TCERG1: variants seen among roughly 807,000 people sequenced by gnomAD.
The protein encoded by TCERG1 is transcription elongation regulator 1, also known as TATA box binding protein (TBP)-associated factor, RNA polymerase II, S, 150kD.
In TCERG1, 37 loss-of-function variants were observed where a neutral mutation model predicts 144.7. The observed-to-expected ratio is 0.26, with a 90% CI of 0.20 to 0.34. The LOEUF is 0.34. Ranked by LOEUF, TCERG1 falls within the 10% of genes least tolerant of loss-of-function variation. TCERG1 has a pLI of 1.00. For synonymous variants in TCERG1, 492 were observed against 458.2 expected (o/e 1.07, Z -0.94); for missense variants, 1,027 against 1,380.7 (o/e 0.74, Z 4.06).
At chr5:146,490,682 A>G (rs1202044470) in intron 15 of TCERG1, among the ~76,000 whole-genome samples, 1 of 152,044 alleles carries the variant, frequency 6.6e-6, no homozygotes, top group Non-Finnish European at 1.5e-5. Flanking sequence ...CAGTGTGGAA[A>G]CTCAGCTCTT....
intron 9 of TCERG1, among the ~76,000 whole-genome samples, chr5:146,477,691 A>ATTTTT: frequency 1.1e-5 from 1 of 92,540 alleles, no homozygotes; most frequent in Non-Finnish European, 2.3e-5. Flanking sequence ...TTGGTACTTT[A>ATTTTT]CTTTTTTTTT....
chr5:146,504,063 A>T (rs948119215), intron 19 of TCERG1, 57 bp downstream of exon 19: 33 of 1,353,352 alleles, frequency 2.4e-5, no homozygotes, highest in Middle Eastern at 1.9e-4. Flanking sequence ...GAAATTTATT[A>T]TGTTACTGTT....
intron 8 of TCERG1, 139 bp from the exon 9 acceptor site, chr5:146,471,345 ACTTT>A (rs1764276763): frequency 2.9e-6 from 2 of 692,614 alleles, no homozygotes; most frequent in South Asian, 4.3e-5. Context: ...AGGATTTAGA[ACTTT>A]CTTCCTACTC....
At chr5:146,492,809 G>A (rs534480858) in intron 15 of TCERG1, 111 bp from the exon 16 acceptor site, 10 of 725,036 alleles carry the variant, frequency 1.4e-5, no homozygotes, top group East Asian at 2.8e-5. Context: ...ATTATCTACA[G>A]TTAATATATT....
rs1294295889 is a variant in TCERG1, at chr5:146,457,406, T to A, written c.438+71T>A. The A allele has an allele frequency of 2.1e-6, 3 of 1,399,774 alleles. No homozygotes were observed. In the African/African-American group the frequency reaches 4.3e-5, roughly 20 times the overall value. The allele number at this position is 1,399,774 out of a possible 1,614,324, so 86.7% of individuals were successfully genotyped here. On this transcript the variant is annotated intron_variant, in intron 3 of 22. Coordinates refer to ENST00000679501, the MANE Select transcript of TCERG1 (RefSeq NM_001382548.1). ...TAAAACTTAAAGAGTTCTGGCAGAT[T>A]GAGGTCAGTGATACTGTCATTTAAG...
intron 9 of TCERG1, among the ~76,000 whole-genome samples, chr5:146,477,952 T>C (rs1034472952): frequency 6.6e-6 from 1 of 152,058 alleles, no homozygotes; most frequent in Non-Finnish European, 1.5e-5. Flanking sequence ...ATCCTCCTGC[T>C]TTGGCCTCCC....
intron 9 of TCERG1, among the ~76,000 whole-genome samples, chr5:146,477,841 T>A (rs1390936493): frequency 6.6e-6 from 1 of 151,632 alleles, no homozygotes; most frequent in Non-Finnish European, 1.5e-5. Flanking sequence ...GTCTACAAGC[T>A]CGTGCAATCA....
At chr5:146,482,511 A>C (rs1765447814) in intron 13 of TCERG1, 81 bp from the exon 14 acceptor site, 35 of 1,416,098 alleles carry the variant, frequency 2.5e-5, no homozygotes, top group Non-Finnish European at 3.1e-5. Context: ...AGTCTTGAAA[A>C]TTCCTTTGAT....
intron 3 of TCERG1, 82 bp downstream of exon 3, chr5:146,457,417 A>T: frequency 2.3e-6 from 3 of 1,326,830 alleles, no homozygotes; most frequent in Admixed American, 2.5e-5. Flanking sequence ...GAGGTCAGTG[A>T]TACTGTCATT....
rs565768271 is a variant in TCERG1 at position 146,487,830 on chromosome 5, G to A, written c.2163+4201G>A. Among the ~76,000 whole-genome samples, 36 of 151,998 alleles carry A rather than the reference G, an allele frequency of 2.4e-4. No homozygotes were observed. The South Asian group carries it at 6.2e-3, about 26-fold the overall frequency. On this transcript the variant is annotated intron_variant, in intron 15 of 22. Coordinates refer to ENST00000679501, the MANE Select transcript of TCERG1 (RefSeq NM_001382548.1). ...CAAAAAGAACAAAGCTGGACGTATC[G>A]TAGTACCAGACTTCAAAATATGCTA...
intron 2 of TCERG1, among the ~76,000 whole-genome samples, chr5:146,455,979 G>C (rs1581381147): frequency 6.6e-6 from 1 of 152,280 alleles, no homozygotes; most frequent in African/African-American, 2.4e-5. Flanking sequence ...ATGTATCTAT[G>C]TTTTCTTAGT....
chr5:146,495,215 G>T (rs1213523074), intron 16 of TCERG1, among the ~76,000 whole-genome samples: 3 of 152,036 alleles, frequency 2.0e-5, no homozygotes, highest in Admixed American at 2.0e-4. Context: ...TTGGATTTCA[G>T]ATTTTTTAAA....
chr5:146,471,484 G>T lies in TCERG1; in HGVS notation c.1513-4G>T. The T allele has an allele frequency of 1.9e-6, 3 of 1,610,378 alleles. No individual in the cohort carries two copies. Among genetic ancestry groups the T allele is most frequent in the East Asian group, 4.5e-5 (2 of 44,854 alleles). On this transcript the variant is annotated splice_region_variant and splice_polypyrimidine_tract_variant and intron_variant, in intron 8 of 22. Coordinates refer to ENST00000679501, the MANE Select transcript of TCERG1 (RefSeq NM_001382548.1). ...ACTAATTAGAGTAATATCATTTCTT[G>T]TAGGAGCCCAAAGAAGAGGAGATGA... is the stretch of plus-strand genomic sequence containing the variant.
intron 21 of TCERG1, among the ~76,000 whole-genome samples, chr5:146,508,507 C>T (rs370292639): frequency 6.6e-6 from 1 of 152,112 alleles, no homozygotes; most frequent in Non-Finnish European, 1.5e-5. Context: ...ATATTCTTCC[C>T]CCTCAAAGTC....
chr5:146,493,018 A>G lies in TCERG1; in HGVS notation c.2262A>G (p.Glu754=). The G allele has an allele frequency of 6.2e-7, 1 of 1,603,934 alleles. No individual in the cohort carries two copies. The highest frequency in any genetic ancestry group is 8.5e-7 in the Non-Finnish European group (1 of 1,175,692). ...QAKEDFKKMM[E]EAKFNPRATF... is the part of the protein sequence containing the mutation. ...AGGAAGATTTCAAAAAAATGATGGAAGAAGCAAAATTTAATCCAAGGTATG... is the reference window on the plus strand; with the variant it reads ...AGGAAGATTTCAAAAAAATGATGGAGGAAGCAAAATTTAATCCAAGGTATG... The change falls in exon 16 of 23, where the codon GAA becomes GAG. Residue 754 remains glutamate (E), a synonymous_variant. Transcript: ENST00000679501.
Position 146,448,299 on chromosome 5 carries a change from C to G in TCERG1, c.59+891C>G, listed in dbSNP as rs117218003. On this transcript the variant is annotated intron_variant, in intron 1 of 22. Coordinates refer to ENST00000679501, the MANE Select transcript of TCERG1 (RefSeq NM_001382548.1). ...ATTGGCGTTCTATTCGTCTACTACT[C>G]ATGCCATTTCCTTGAACAGTGCAGT... Among the ~76,000 whole-genome samples the G allele has an allele frequency of 7.2e-5, 11 of 152,286 alleles. No individual in the cohort carries two copies. The East Asian group carries it at 9.6e-4, about 13-fold the overall frequency.
intron 16 of TCERG1, among the ~76,000 whole-genome samples, chr5:146,495,088 T>G (rs1233530811): frequency 6.6e-6 from 1 of 152,212 alleles, no homozygotes; most frequent in African/African-American, 2.4e-5. Context: ...CAGTTATCAC[T>G]TTACACGTTG....
chr5:146,475,859 A>G (rs1369618628), intron 9 of TCERG1, among the ~76,000 whole-genome samples: 1 of 152,228 alleles, frequency 6.6e-6, no homozygotes, highest in East Asian at 1.9e-4. Flanking sequence ...GGAAGGGCTT[A>G]GCAGTTTTCA....
At chr5:146,499,715 GTA>G (rs929367272) in intron 17 of TCERG1, 2 of 152,182 alleles carry the variant, frequency 1.3e-5, no homozygotes, top group Non-Finnish European at 2.9e-5. Context: ...GTTTGATTTT[GTA>G]TGATTGCTTT....
Sources: allele counts gnomAD v4.1 joint callset (sites outside exome capture counted in the v4.1 genomes callset), GRCh38; gene constraint gnomAD v4.1.1; transcripts MANE v1.5; gene names NCBI Gene and HGNC (gene_info 2026-07-23, HGNC 2026-07-21).